ATOSA: variants seen among roughly 807,000 people sequenced by gnomAD.
The protein encoded by ATOSA is atos homolog A.
At chr15:52,589,448 A>T in the ATOSA span, among the ~76,000 whole-genome samples, 6 of 152,238 alleles carry the variant, frequency 3.9e-5, no homozygotes, top group Admixed American at 1.3e-4. Flanking sequence ...CATACAGTAA[A>T]ACTGGTAAGG....
the ATOSA span, among the ~76,000 whole-genome samples, chr15:52,606,256 T>C: frequency 6.6e-6 from 1 of 152,124 alleles, no homozygotes; most frequent in Admixed American, 6.5e-5. Flanking sequence ...AAAAATTATA[T>C]ATAATGCAGT....
At chr15:52,706,172 C>G in the ATOSA span, among the ~76,000 whole-genome samples, 1 of 152,182 alleles carries the variant, frequency 6.6e-6, no homozygotes, top group African/African-American at 2.4e-5. Context: ...TATTAATGTT[C>G]TACATATTAA....
At chr15:52,705,265 A>T in the ATOSA span, among the ~76,000 whole-genome samples, 1 of 152,062 alleles carries the variant, frequency 6.6e-6, no homozygotes, top group African/African-American at 2.4e-5. Flanking sequence ...ACAGAAAACC[A>T]AACACCGCAT....
the ATOSA span, among the ~76,000 whole-genome samples, chr15:52,646,636 A>G: frequency 2.0e-5 from 3 of 152,206 alleles, no homozygotes; most frequent in South Asian, 6.2e-4. Context: ...TATCCCTTGA[A>G]GTGGGGGAAA....
chr15:52,614,264 C>T, the ATOSA span, among the ~76,000 whole-genome samples: 268 of 151,994 alleles, frequency 1.8e-3, 1 homozygote, highest in East Asian at 0.025. Flanking sequence ...TGCCACCACG[C>T]ATGGCTATTT....
At chr15:52,589,473 T>C in the ATOSA span, among the ~76,000 whole-genome samples, 1 of 152,162 alleles carries the variant, frequency 6.6e-6, no homozygotes, top group Non-Finnish European at 1.5e-5. Flanking sequence ...TACTACCAAG[T>C]TTATACTTGT....
the ATOSA span, among the ~76,000 whole-genome samples, chr15:52,698,210 A>G: frequency 6.6e-6 from 1 of 151,596 alleles, no homozygotes; most frequent in Admixed American, 6.6e-5. Context: ...TGATCTCCTG[A>G]CCTCATGATC....
the ATOSA span, among the ~76,000 whole-genome samples, chr15:52,704,217 C>G: frequency 4.6e-3 from 700 of 152,262 alleles, 9 homozygotes; most frequent in South Asian, 0.022. Flanking sequence ...CTACAACTAT[C>G]TGATCTTTGA....
At chr15:52,627,147 C>G in the ATOSA span, among the ~76,000 whole-genome samples, 10 of 152,126 alleles carry the variant, frequency 6.6e-5, no homozygotes, top group Non-Finnish European at 1.3e-4. Flanking sequence ...CAGAGCCACC[C>G]AAATTCTAAA....
chr15:52,622,083 G>A, the ATOSA span, among the ~76,000 whole-genome samples: 1 of 152,050 alleles, frequency 6.6e-6, no homozygotes, highest in Non-Finnish European at 1.5e-5. Context: ...CTGACCTCAA[G>A]TGATTTACCA....
the ATOSA span, chr15:52,629,638 C>G: frequency 2.4e-6 from 1 of 408,204 alleles, no homozygotes; most frequent in African/African-American, 2.1e-5. Flanking sequence ...CCTGTCTCTA[C>G]TAAAAATACA....
At chr15:52,637,129 C>T in the ATOSA span, among the ~76,000 whole-genome samples, 4 of 152,172 alleles carry the variant, frequency 2.6e-5, no homozygotes, top group Admixed American at 2.0e-4. Context: ...TTCGTGAATG[C>T]TACATGTATT....
At chr15:52,633,394 G>GTTAA in the ATOSA span, among the ~76,000 whole-genome samples, 1 of 152,192 alleles carries the variant, frequency 6.6e-6, no homozygotes, top group Non-Finnish European at 1.5e-5. Context: ...GGACAGGACT[G>GTTAA]TTATCCCAGG....
chr15:52,583,138 A>G, the ATOSA span, among the ~76,000 whole-genome samples: 1 of 152,190 alleles, frequency 6.6e-6, no homozygotes, highest in Non-Finnish European at 1.5e-5. Context: ...CACCTTCCCA[A>G]ACTGAAGGAG....
the ATOSA span, among the ~76,000 whole-genome samples, chr15:52,708,841 T>G: frequency 6.6e-6 from 1 of 152,122 alleles, no homozygotes; most frequent in African/African-American, 2.4e-5. Context: ...TAGGATAAGG[T>G]TTATTGCTAG....
chr15:52,630,378 A>G, the ATOSA span, among the ~76,000 whole-genome samples: 1 of 152,222 alleles, frequency 6.6e-6, no homozygotes, highest in East Asian at 1.9e-4. Context: ...AATATTTGCA[A>G]TGCAAATGCT....
chr15:52,596,440 C>A, the ATOSA span, among the ~76,000 whole-genome samples: 1 of 152,132 alleles, frequency 6.6e-6, no homozygotes, highest in Admixed American at 6.5e-5. Context: ...CATCCATATG[C>A]GTAAAAGGGA....
the ATOSA span, among the ~76,000 whole-genome samples, chr15:52,597,469 T>C: frequency 6.6e-6 from 1 of 152,148 alleles, no homozygotes; most frequent in East Asian, 1.9e-4. Context: ...CAGGACAACA[T>C]GGATTATCTT....
the ATOSA span, among the ~76,000 whole-genome samples, chr15:52,659,892 A>T: frequency 1.3e-5 from 2 of 152,290 alleles, no homozygotes; most frequent in Admixed American, 6.5e-5. Context: ...TTCATGATCC[A>T]AACAGTGGTA....
Sources: allele counts gnomAD v4.1 joint callset (sites outside exome capture counted in the v4.1 genomes callset), GRCh38; gene constraint gnomAD v4.1.1; transcripts MANE v1.5; gene names NCBI Gene and HGNC (gene_info 2026-07-23, HGNC 2026-07-21).